Variants in CDH23 observed in about 807,000 individuals in gnomAD.
CDH23 encodes the protein cadherin-23.
A neutral mutation model predicts 317.1 loss-of-function variants in CDH23; 189 were observed. The ratio of observed to expected loss-of-function variants is 0.60; its 90% CI spans 0.53 to 0.67. The LOEUF is 0.67. Among genes scored for constraint, CDH23 ranks in the 30% least tolerant of loss-of-function variants. The pLI, the probability that CDH23 is intolerant of heterozygous loss-of-function variation, is 0.00. For missense variants in CDH23, 4,401 were observed against 4,592.4 expected, an observed-to-expected ratio of 0.96 and a Z score of 1.20; for synonymous variants, 1,839 against 1,876.8, an observed-to-expected ratio of 0.98 and a Z score of 0.52.
chr10:71,485,895 C>G (rs115925789), intron 3 of CDH23, among the ~76,000 whole-genome samples: 1 of 152,236 alleles, frequency 6.6e-6, no homozygotes, highest in African/African-American at 2.4e-5. Flanking sequence ...CCAGCTGGCA[C>G]TTGAGAAGCC....
intron 14 of CDH23, among the ~76,000 whole-genome samples, chr10:71,653,277 A>T (rs1409843709): frequency 6.6e-6 from 1 of 152,166 alleles, no homozygotes; most frequent in Admixed American, 6.5e-5. Context: ...GTATGATGTC[A>T]TTGCCCTGGG....
intron 9 of CDH23, among the ~76,000 whole-genome samples, chr10:71,614,309 C>T (rs770000483): frequency 1.3e-5 from 2 of 152,340 alleles, no homozygotes; most frequent in East Asian, 1.9e-4. Flanking sequence ...GGAAAGCCTA[C>T]CCCAGAGATT....
At chr10:71,525,863 T>C (rs76491261) in intron 6 of CDH23, among the ~76,000 whole-genome samples, 8 of 152,304 alleles carry the variant, frequency 5.3e-5, no homozygotes, top group African/African-American at 1.9e-4. Flanking sequence ...GCTAGAGTGT[T>C]GCTTCCATGT....
chr10:71,549,074 C>A (rs1370938198), intron 6 of CDH23, among the ~76,000 whole-genome samples: 2 of 152,164 alleles, frequency 1.3e-5, no homozygotes, highest in Non-Finnish European at 2.9e-5. Context: ...GGGCCAGAGC[C>A]CCCAGACACC....
intron 51 of CDH23, 78 bp from the exon 52 acceptor site, chr10:71,799,414 A>C (rs958946687): frequency 4.2e-5 from 67 of 1,606,726 alleles, no homozygotes; most frequent in Non-Finnish European, 5.5e-5. Flanking sequence ...TGATGCCTGC[A>C]TCAGTGAGTT....
In CDH23 at chr10:71,577,914, G is replaced by A. The variant is rs1258479018; in HGVS notation, c.754G>A (p.Gly252Ser). 1 of 1,594,828 alleles carries A rather than the reference G, an allele frequency of 6.3e-7. No individual in the cohort carries two copies. The highest frequency in any genetic ancestry group is 8.5e-7 in the Non-Finnish European group (1 of 1,170,510). Residue 252 changes from glycine to serine, a missense_variant and splice_region_variant, in exon 9 of 70, where the codon GGC becomes AGC. Gly to Ser is a moderately conservative substitution (Grantham distance 56). Around this residue, in one of 3 missense-constraint regions of CDH23, gnomAD observed 3,068 missense variants for 3,203.3 expected, o/e 0.96. Coordinates refer to ENST00000224721, the MANE Select transcript of CDH23 (RefSeq NM_022124.6). ...STNIYEHSPP[G>S]TTVRIITAID... ...CAAGTCCCTCCTCTCTTCTGCCCAG[G>A]GCACGACGGTGCGCATCATCACCGC...
intron 3 of CDH23, among the ~76,000 whole-genome samples, chr10:71,451,393 A>G (rs1282147235): frequency 6.6e-6 from 1 of 152,150 alleles, no homozygotes; most frequent in Non-Finnish European, 1.5e-5. Context: ...CCTCAATGGC[A>G]ACCAGGCTGT....
chr10:71,808,080 G>GA, intron 60 of CDH23, 73 bp downstream of exon 60: 1 of 1,533,214 alleles, frequency 6.5e-7, no homozygotes, highest in African/African-American at 1.4e-5. Flanking sequence ...CATCTGGGGG[G>GA]AGATGGGGTC....
Position 71,815,355 on chromosome 10 carries a change from C to A in CDH23, c.*77C>A. The A allele has an allele frequency of 7.3e-7, 1 of 1,371,762 alleles. No individual in the cohort carries two copies. Among genetic ancestry groups the A allele is most frequent in the Non-Finnish European group, 9.8e-7 (1 of 1,024,984 alleles). 85.0% of individuals were successfully genotyped at this position (1,371,762 alleles called of 1,614,324 possible). A position where few individuals can be genotyped will look rare whatever the true frequency, so the allele number is the denominator to read the frequency against. On this transcript the variant is annotated 3_prime_UTR_variant, in exon 70 of 70. Transcript: ENST00000224721. ...CCAGGGAGCAAGGGCAGGGACAGGG[C>A]CGGTCGGGGGGGACCCTCCAAGGCC...
At chr10:71,730,669 C>T (rs1028908985) in intron 31 of CDH23, 65 bp downstream of exon 31, 48 of 1,593,562 alleles carry the variant, frequency 3.0e-5, no homozygotes, top group Non-Finnish European at 3.8e-5. Context: ...GCTCACCCAG[C>T]CCCTCCTTCG....
At chr10:71,481,902 C>T (rs1484281077) in intron 3 of CDH23, among the ~76,000 whole-genome samples, 1 of 152,198 alleles carries the variant, frequency 6.6e-6, no homozygotes, top group Non-Finnish European at 1.5e-5. Context: ...CCCACAGCAG[C>T]GGGCTTGTGT....
intron 14 of CDH23, among the ~76,000 whole-genome samples, chr10:71,659,567 TA>T (rs1358892718): frequency 6.6e-6 from 1 of 152,224 alleles, no homozygotes; most frequent in East Asian, 1.9e-4. Flanking sequence ...ATGCCTGTCA[TA>T]AAAACGACAT....
At chr10:71,401,600 C>T (rs1191277048) in intron 1 of CDH23, among the ~76,000 whole-genome samples, 1 of 152,114 alleles carries the variant, frequency 6.6e-6, no homozygotes, top group Non-Finnish European at 1.5e-5. Flanking sequence ...CATCTGCTCT[C>T]GGACATTTGC....
At chr10:71,713,356 G>A (rs569274550) in intron 28 of CDH23, 1 of 756,580 alleles carries the variant, frequency 1.3e-6, no homozygotes, top group Non-Finnish European at 2.5e-6. Context: ...CTGCCCAGAG[G>A]CCTCAGTTGC....
intron 14 of CDH23, among the ~76,000 whole-genome samples, chr10:71,655,251 G>A (rs576308423): frequency 1.3e-5 from 2 of 152,246 alleles, no homozygotes; most frequent in African/African-American, 4.8e-5. Context: ...TTCTAGACCT[G>A]GGTTGGCCTC....
chr10:71,797,032 A>C, intron 48 of CDH23, 72 bp from the exon 49 acceptor site: 1 of 944,894 alleles, frequency 1.1e-6, no homozygotes, highest in Admixed American at 2.0e-5. Context: ...GGGTTTGGCC[A>C]GGAGCACCCC....
intron 8 of CDH23, among the ~76,000 whole-genome samples, chr10:71,575,694 C>T (rs999617805): frequency 2.0e-5 from 3 of 152,232 alleles, no homozygotes; most frequent in African/African-American, 4.8e-5. Context: ...CAGCAGGCAG[C>T]GTGCCCTTGG....
At chr10:71,672,799 T>C (rs924638780) in intron 14 of CDH23, among the ~76,000 whole-genome samples, 1 of 152,140 alleles carries the variant, frequency 6.6e-6, no homozygotes, top group Non-Finnish European at 1.5e-5. Context: ...GGGGATGGGA[T>C]GCAGGCACCT....
intron 29 of CDH23, 142 bp from the exon 30 acceptor site, chr10:71,725,230 T>C: frequency 6.8e-7 from 1 of 1,465,560 alleles, no homozygotes; most frequent in Non-Finnish European, 9.6e-7. Flanking sequence ...TCCTCTCCAC[T>C]GTGAATTCTG....
Sources: gnomAD v4.1 joint callset for allele counts (sites outside exome capture counted in the v4.1 genomes callset) on GRCh38, gnomAD v4.1.1 for gene constraint, gnomAD v4.1.1 regional missense constraint, MANE v1.5 for transcripts, NCBI Gene and HGNC (gene_info 2026-07-23, HGNC 2026-07-21) for gene names.